The following FDFT1 variants were observed in gnomAD, a reference collection of about 807,000 sequenced individuals.
FDFT1 encodes squalene synthase.
FDFT1 carries 68 observed loss-of-function variants against 46.8 expected under a neutral mutation model. The ratio of observed to expected loss-of-function variants is 1.45; its 90% CI spans 1.19 to 1.78. FDFT1 has a LOEUF of 1.78. Ranked by LOEUF, FDFT1 falls within the 40% of genes most tolerant of loss-of-function variation. The pLI, the probability that FDFT1 is intolerant of heterozygous loss-of-function variation, is 0.00. For synonymous variants in FDFT1, 351 were observed against 185.1 expected, an observed-to-expected ratio of 1.90 and a Z score of -7.28; for missense variants, 928 against 524.4, an observed-to-expected ratio of 1.77 and a Z score of -7.52.
At chr8:11,812,368 G>T (rs1020622637) in intron 3 of FDFT1, among the ~76,000 whole-genome samples, 1 of 152,238 alleles carries the variant, frequency 6.6e-6, no homozygotes, top group Admixed American at 6.5e-5. Context: ...CAAGGGCTGT[G>T]TTGGGGAGTG....
At chr8:11,826,270 T>G in intron 5 of FDFT1, 55 bp downstream of exon 5, 1 of 1,335,132 alleles carries the variant, frequency 7.5e-7, no homozygotes, top group East Asian at 2.4e-5. Flanking sequence ...CTCTGAAAAA[T>G]CCTTTAACTC....
chr8:11,812,054 T>C (rs969941484), intron 3 of FDFT1, among the ~76,000 whole-genome samples: 4 of 152,206 alleles, frequency 2.6e-5, no homozygotes, highest in African/African-American at 7.2e-5. Context: ...GAAAGAGGAC[T>C]GATACCTTGG....
chr8:11,808,769 C>T (rs772675578), intron 1 of FDFT1, 25 bp from the exon 2 acceptor site: 65 of 1,611,152 alleles, frequency 4.0e-5, no homozygotes, highest in Admixed American at 1.0e-4. Flanking sequence ...CGTCTCCCAC[C>T]GCCGTGTGTG....
intron 7 of FDFT1, among the ~76,000 whole-genome samples, chr8:11,834,660 C>T (rs1291203104): frequency 1.3e-5 from 2 of 152,200 alleles, no homozygotes; most frequent in East Asian, 1.9e-4. Context: ...TTTAGATGTT[C>T]ATAGACAAGA....
chr8:11,831,798 A>G, intron 7 of FDFT1, 128 bp downstream of exon 7: 1 of 803,230 alleles, frequency 1.2e-6, no homozygotes, highest in Non-Finnish European at 2.1e-6. Context: ...AAGAGACAGG[A>G]ATTGATATCC....
At chr8:11,813,849 C>T (rs967978831) in intron 3 of FDFT1, among the ~76,000 whole-genome samples, 2 of 152,188 alleles carry the variant, frequency 1.3e-5, no homozygotes, top group Non-Finnish European at 2.9e-5. Flanking sequence ...GGCTTATGGT[C>T]GTATCCGGGG....
upstream of FDFT1, chr8:11,802,356 C>T (rs957572312): frequency 1.4e-5 from 6 of 440,880 alleles, no homozygotes; most frequent in East Asian, 1.4e-4. Flanking sequence ...GAAGCAGCCC[C>T]GCACTGCTCT....
chr8:11,812,424 G>A (rs538700082), intron 3 of FDFT1, among the ~76,000 whole-genome samples: 299 of 152,294 alleles, frequency 2.0e-3, no homozygotes, highest in African/African-American at 6.9e-3. Flanking sequence ...CCTCTCAAAT[G>A]AATGTGAGGT....
At chr8:11,829,879 ACT>A (rs1300931144) in intron 5 of FDFT1, among the ~76,000 whole-genome samples, 2 of 147,394 alleles carry the variant, frequency 1.4e-5, no homozygotes, top group African/African-American at 5.4e-5. Context: ...ACGGAGTCTC[ACT>A]CTTTCACCCA....
In FDFT1 at chr8:11,825,703, A is replaced by T. The variant is rs554186459; in HGVS notation, c.511-321A>T. On this transcript the variant is annotated intron_variant, in intron 4 of 7. Transcript: ENST00000220584. The stretch of plus-strand genomic sequence containing the variant: ...CTCCATCTCAAAAAAAAAATAAAAA[A>T]TAAAAATAAAAAAATGTTTACTAGT... 5.3e-5 allele frequency among the ~76,000 whole-genome samples: 8 copies of T among 152,126 alleles called. 1 individual carries two copies. Among genetic ancestry groups the T allele is most frequent in the African/African-American group, 1.9e-4 (8 of 41,546 alleles).
chr8:11,825,274 T>C (rs1809804602), intron 4 of FDFT1, among the ~76,000 whole-genome samples: 1 of 152,024 alleles, frequency 6.6e-6, no homozygotes. Flanking sequence ...GGGCACGGTG[T>C]CTTGGGCTGG....
intron 6 of FDFT1, 132 bp from the exon 7 acceptor site, chr8:11,831,386 T>C (rs1810761780): frequency 2.8e-6 from 2 of 722,728 alleles, no homozygotes; most frequent in Non-Finnish European, 4.6e-6. Context: ...GTATTTTTTC[T>C]TGAGCGATTC....
Position 11,831,639 on chromosome 8 carries a change from T to C in FDFT1, c.1001T>C (p.Val334Ala), listed in dbSNP as rs757066241. ...ATGGATGCCACCAATATGCCAGCTG[T>C]CAAAGCCATCATATATCAGTATATG... ...LMMDATNMPA[V>A]KAIIYQYMEE... Residue 334 changes from valine (V) to alanine (A), a missense_variant, in exon 7 of 8, where the codon GTC becomes GCC. Coordinates refer to ENST00000220584, the MANE Select transcript of FDFT1 (RefSeq NM_004462.5). The C allele has an allele frequency of 1.2e-6, 2 of 1,614,062 alleles. No individual in the cohort carries two copies. Among genetic ancestry groups the C allele is most frequent in the Non-Finnish European group, 1.7e-6 (2 of 1,179,898 alleles).
At chr8:11,819,838 C>G (rs758725220) in intron 3 of FDFT1, among the ~76,000 whole-genome samples, 1 of 152,082 alleles carries the variant, frequency 6.6e-6, no homozygotes, top group African/African-American at 2.4e-5. Context: ...CTTCTGAAGC[C>G]TACTTCTGTC....
upstream of FDFT1, among the ~76,000 whole-genome samples, chr8:11,800,278 AAAAAAAAAAAAAAAG>A (rs993682560): frequency 6.7e-6 from 1 of 149,208 alleles, no homozygotes; most frequent in Admixed American, 6.7e-5. Context: ...AAAAAAAAAA[AAAAAAAAAAAAAAAG>A]GCGCTTGAAC....
chr8:11,815,398 C>T (rs1382664676), intron 3 of FDFT1, among the ~76,000 whole-genome samples: 2 of 152,144 alleles, frequency 1.3e-5, no homozygotes, highest in Admixed American at 1.3e-4. Flanking sequence ...AATGGGATTG[C>T]TGGGTCAAAT....
chr8:11,798,429 G>A (rs143017575), upstream of FDFT1, among the ~76,000 whole-genome samples: 1 of 152,270 alleles, frequency 6.6e-6, no homozygotes, highest in African/African-American at 2.4e-5. Context: ...ACTTCAACAT[G>A]GTTTGGGAAA....
At chr8:11,821,249 T>C (rs987420657) in intron 3 of FDFT1, among the ~76,000 whole-genome samples, 1 of 152,232 alleles carries the variant, frequency 6.6e-6, no homozygotes. Flanking sequence ...CTAGAAACAT[T>C]AGCATTTTTA....
chr8:11,819,176 C>T (rs1437577752), intron 3 of FDFT1, among the ~76,000 whole-genome samples: 1 of 152,150 alleles, frequency 6.6e-6, no homozygotes, highest in Non-Finnish European at 1.5e-5. Flanking sequence ...AATATTGGCC[C>T]CCACTCTCTT....
Sources: gnomAD v4.1 joint callset for allele counts (sites outside exome capture counted in the v4.1 genomes callset) on GRCh38, gnomAD v4.1.1 for gene constraint, MANE v1.5 for transcripts, NCBI Gene and HGNC (gene_info 2026-07-23, HGNC 2026-07-21) for gene names.